DIXDC1: variants seen among roughly 807,000 people sequenced by gnomAD.
The protein encoded by DIXDC1 is DIX domain containing 1.
Under a neutral mutation model 103.1 loss-of-function variants are expected in DIXDC1, and 64 were observed. The ratio of observed to expected loss-of-function variants is 0.62; its 90% CI spans 0.51 to 0.76. The LOEUF (loss-of-function observed/expected upper bound fraction) is 0.76. Among genes scored for constraint, DIXDC1 ranks in the 30% least tolerant of loss-of-function variants. The probability of loss-of-function intolerance (pLI) is 0.00; values close to 1 mark genes in which losing one functional copy is unlikely to be tolerated. For missense variants in DIXDC1, 759 were observed against 834.2 expected, an observed-to-expected ratio of 0.91 and a Z score of 1.11; for synonymous variants, 266 against 298.5, an observed-to-expected ratio of 0.89 and a Z score of 1.12.
chr11:112,011,788 C>T (rs1814860009), intron 17 of DIXDC1, among the ~76,000 whole-genome samples: 1 of 151,460 alleles, frequency 6.6e-6, no homozygotes, highest in South Asian at 2.1e-4. Flanking sequence ...GAACATCACA[C>T]ACTGGAGCCT....
At chr11:111,965,581 A>G (rs1057253019) in intron 2 of DIXDC1, among the ~76,000 whole-genome samples, 1 of 152,226 alleles carries the variant, frequency 6.6e-6, no homozygotes, top group Non-Finnish European at 1.5e-5. Flanking sequence ...TTCATCTGTA[A>G]TGATGGTAAT....
intron 1 of DIXDC1, among the ~76,000 whole-genome samples, chr11:111,951,150 A>G (rs868958425): frequency 6.6e-6 from 1 of 152,274 alleles, no homozygotes; most frequent in African/African-American, 2.4e-5. Context: ...GTGCAAATAC[A>G]TTCAAAAACT....
At chr11:111,988,938 G>T in intron 9 of DIXDC1, 67 bp from the exon 10 acceptor site, 1 of 1,390,784 alleles carries the variant, frequency 7.2e-7, no homozygotes, top group South Asian at 1.3e-5. Context: ...CTTGCCGACA[G>T]AATGAGGTAA....
At chr11:112,011,051 C>T (rs1264335400) in intron 17 of DIXDC1, among the ~76,000 whole-genome samples, 2 of 152,106 alleles carry the variant, frequency 1.3e-5, no homozygotes, top group Non-Finnish European at 2.9e-5. Context: ...GCAATCTGCC[C>T]ATCTGACAAA....
intron 1 of DIXDC1, among the ~76,000 whole-genome samples, chr11:111,927,621 C>T (rs587762097): frequency 6.6e-6 from 1 of 152,214 alleles, no homozygotes; most frequent in East Asian, 1.9e-4. Context: ...TCTCCGTTCT[C>T]CCCAGATACC....
chr11:112,004,658 A>G (rs1371261334), intron 17 of DIXDC1, among the ~76,000 whole-genome samples: 5 of 152,202 alleles, frequency 3.3e-5, no homozygotes, highest in African/African-American at 9.7e-5. Context: ...GAGGCAGGAA[A>G]CAGCATACAG....
At chr11:111,930,033 C>CT (rs1303993933) in intron 2 of DIXDC1, 653 of 905,566 alleles carry the variant, frequency 7.2e-4, no homozygotes, top group South Asian at 1.3e-3. Context: ...ATATATTTGT[C>CT]TTTTTTTTTG....
intron 9 of DIXDC1, among the ~76,000 whole-genome samples, chr11:111,987,290 A>C (rs1860525503): frequency 6.6e-6 from 1 of 151,856 alleles, no homozygotes; most frequent in Non-Finnish European, 1.5e-5. Flanking sequence ...ACACAACTTC[A>C]AGAGGGAAAG....
intron 1 of DIXDC1, among the ~76,000 whole-genome samples, chr11:111,938,720 C>T (rs1258330469): frequency 1.3e-5 from 2 of 152,168 alleles, no homozygotes; most frequent in African/African-American, 4.8e-5. Context: ...CCTGACCTGC[C>T]ACAGAACCCT....
chr11:111,935,664 G>A (rs1438931574), upstream of DIXDC1, among the ~76,000 whole-genome samples: 1 of 152,332 alleles, frequency 6.6e-6, no homozygotes, highest in East Asian at 1.9e-4. Flanking sequence ...AATTGACATG[G>A]GTTAGTGACT....
chr11:112,003,465 T>C (rs1045917962), intron 17 of DIXDC1, among the ~76,000 whole-genome samples: 3 of 146,626 alleles, frequency 2.0e-5, no homozygotes, highest in Admixed American at 6.8e-5. Context: ...AACAAAAAAA[T>C]AAAATAGCTA....
At chr11:111,975,678 A>G in intron 5 of DIXDC1, 1 of 985,672 alleles carries the variant, frequency 1.0e-6, no homozygotes, top group Non-Finnish European at 1.2e-6. Flanking sequence ...TTGTTGCTGA[A>G]TCATAATTTA....
rs377085113 is a variant in DIXDC1, at chr11:111,986,814, G to A, written c.1009-57G>A. 44 of 1,478,386 alleles carry A rather than the reference G, an allele frequency of 3.0e-5. No individual in the cohort carries two copies. The African/African-American group carries it at 5.6e-4, about 19-fold the overall frequency. The allele number at this position is 1,478,386 out of a possible 1,614,324, so 91.6% of individuals were successfully genotyped here. ...TGCTCAATAAATATTTGTTGAATGA[G>A]TGGCTCTGTACTTCACAGCATAGGT... On this transcript the variant is annotated intron_variant, in intron 8 of 19. Coordinates refer to ENST00000440460, the MANE Select transcript of DIXDC1 (RefSeq NM_001037954.4).
upstream of DIXDC1, among the ~76,000 whole-genome samples, chr11:111,933,691 C>CAAAAAAAAA (rs34415537): frequency 8.9e-6 from 1 of 111,804 alleles, no homozygotes; most frequent in Non-Finnish European, 1.8e-5. Context: ...CTCTCTCTCT[C>CAAAAAAAAA]AAAAAAAAAA....
At position 111,968,796 on chromosome 11, in the gene DIXDC1, C is replaced by T. The variant is rs1592576669; in HGVS notation, c.316+158C>T. Among the ~76,000 whole-genome samples, 3 of 152,012 alleles carry T rather than the reference C, an allele frequency of 2.0e-5. No homozygotes were observed. In the Middle Eastern group the frequency reaches 0.01, roughly 517 times the overall value. On this transcript the variant is annotated intron_variant, in intron 3 of 19. Transcript: ENST00000440460. ...ATTTCATGATTATTATTTTTTGCGA[C>T]GGAGTTTCACTCTTCTTGCCCAGGC...
intron 1 of DIXDC1, among the ~76,000 whole-genome samples, chr11:111,944,705 G>T (rs587648677): frequency 6.6e-6 from 1 of 152,156 alleles, no homozygotes; most frequent in Non-Finnish European, 1.5e-5. Context: ...CGGCCACCTC[G>T]TGGTACTATC....
intron 1 of DIXDC1, among the ~76,000 whole-genome samples, chr11:111,939,131 TAAC>T (rs1465315554): frequency 1.3e-5 from 2 of 152,224 alleles, no homozygotes; most frequent in Admixed American, 6.5e-5. Context: ...TGCCCCAACT[TAAC>T]AACAACAACA....
At chr11:111,993,819 A>G (rs1860790406) in intron 14 of DIXDC1, 79 bp downstream of exon 14, 2 of 1,512,500 alleles carry the variant, frequency 1.3e-6, no homozygotes, top group East Asian at 4.7e-5. Context: ...GAGCTGAACC[A>G]AGGCCACAGG....
At chr11:111,971,360 C>G (rs1167227111) in intron 3 of DIXDC1, among the ~76,000 whole-genome samples, 1 of 152,186 alleles carries the variant, frequency 6.6e-6, no homozygotes, top group Non-Finnish European at 1.5e-5. Context: ...TGAAGAAAAG[C>G]TCATCAACAC....
Sources: gnomAD v4.1 joint callset for allele counts (sites outside exome capture counted in the v4.1 genomes callset) on GRCh38, gnomAD v4.1.1 for gene constraint, MANE v1.5 for transcripts, NCBI Gene and HGNC (gene_info 2026-07-23, HGNC 2026-07-21) for gene names.